The following GSE1 variants were observed in gnomAD, a reference collection of about 807,000 sequenced individuals.
GSE1 encodes the protein Gse1 coiled-coil protein, also known as genetic suppressor element 1.
GSE1 carries 32 observed loss-of-function variants against 112.6 expected under a neutral mutation model. That is an observed-to-expected ratio of 0.28 (90% confidence interval 0.21 to 0.38). GSE1 has a LOEUF of 0.38. Among genes scored for constraint, GSE1 ranks in the 10% least tolerant of loss-of-function variants. GSE1 has a pLI of 1.00. For missense variants in GSE1, 2,348 were observed against 1,699.2 expected (o/e 1.38, Z -6.71); for synonymous variants, 1,115 against 735.6 (o/e 1.52, Z -8.35).
chr16:85,491,855 C>A (rs1057103099), intron 2 of GSE1, among the ~76,000 whole-genome samples: 1 of 152,176 alleles, frequency 6.6e-6, no homozygotes. Flanking sequence ...GCGCCCCTTG[C>A]GAGGTCAGCC....
At chr16:85,367,841 A>ATCC in intron 2 of GSE1, among the ~76,000 whole-genome samples, 1 of 93,518 alleles carries the variant, frequency 1.1e-5, no homozygotes, top group Admixed American at 1.4e-4. Context: ...AGGAAATAAG[A>ATCC]TTCTTTTTTT....
chr16:85,191,154 C>T (rs371024398), intron 1 of GSE1, among the ~76,000 whole-genome samples: 96 of 151,876 alleles, frequency 6.3e-4, no homozygotes, highest in African/African-American at 1.8e-3. Flanking sequence ...CAGCTACTTG[C>T]GAGGCTGAGG....
At chr16:85,545,634 A>G (rs770920680) in intron 2 of GSE1, among the ~76,000 whole-genome samples, 3 of 152,234 alleles carry the variant, frequency 2.0e-5, no homozygotes, top group Non-Finnish European at 4.4e-5. Flanking sequence ...AAATGGAGAT[A>G]ATAATAGACT....
intron 1 of GSE1, chr16:85,284,991 G>C (rs2044975658): frequency 6.6e-6 from 1 of 152,238 alleles, no homozygotes; most frequent in Non-Finnish European, 1.5e-5. Context: ...TGTGGTCATC[G>C]TTTCAGGCAA....
intron 11 of GSE1, chr16:85,664,628 G>A (rs139696398): frequency 1.1e-5 from 2 of 177,450 alleles, no homozygotes; most frequent in Non-Finnish European, 1.2e-5. Flanking sequence ...AGGAGTGGGG[G>A]AGAAGGCACC....
chr16:85,595,786 C>T (rs2047195152), intron 1 of GSE1: 1 of 148,902 alleles, frequency 6.7e-6, no homozygotes, highest in African/African-American at 2.5e-5. Flanking sequence ...CCATCCATCC[C>T]TCTATCCATC....
chr16:85,393,032 A>G (rs890164805), intron 2 of GSE1, among the ~76,000 whole-genome samples: 2 of 152,196 alleles, frequency 1.3e-5, no homozygotes, highest in Non-Finnish European at 1.5e-5. Flanking sequence ...GAGGAGGATC[A>G]GATAGAGGCC....
At chr16:85,514,455 G>A (rs1338706685) in intron 2 of GSE1, among the ~76,000 whole-genome samples, 1 of 147,318 alleles carries the variant, frequency 6.8e-6, no homozygotes, top group African/African-American at 2.5e-5. Flanking sequence ...GCAGCTCCTG[G>A]GGCATCCTTG....
At chr16:85,303,753 A>T (rs534517895) in intron 1 of GSE1, among the ~76,000 whole-genome samples, 1 of 152,348 alleles carries the variant, frequency 6.6e-6, no homozygotes, top group South Asian at 2.1e-4. Flanking sequence ...CACCTGGGAA[A>T]GCGGCTGCGG....
chr16:85,647,496 C>T (rs192834942), intron 2 of GSE1, among the ~76,000 whole-genome samples: 1 of 152,276 alleles, frequency 6.6e-6, no homozygotes, highest in African/African-American at 2.4e-5. Context: ...CCAGGGTCAC[C>T]GTGGGTCACC....
intron 1 of GSE1, among the ~76,000 whole-genome samples, chr16:85,630,009 G>T (rs1481537586): frequency 1.3e-5 from 2 of 152,244 alleles, no homozygotes; most frequent in African/African-American, 4.8e-5. Flanking sequence ...GCCTACTTGA[G>T]ATGTTGGCTG....
chr16:85,257,875 G>A (rs1009779086), intron 1 of GSE1, among the ~76,000 whole-genome samples: 7 of 152,234 alleles, frequency 4.6e-5, no homozygotes, highest in Non-Finnish European at 1.0e-4. Flanking sequence ...TATCTGGGAC[G>A]CTCTGTCATC....
Position 85,661,126 on chromosome 16 carries a change from G to A in GSE1, c.1641-20G>A. 4 of 1,544,998 alleles carry A rather than the reference G, an allele frequency of 2.6e-6. No individual in the cohort carries two copies. The highest frequency in any genetic ancestry group is 3.5e-6 in the Non-Finnish European group (4 of 1,142,094). Reference sequence around the variant, plus strand: ...GAAGGGTCTTTTCTCCCTGACTGAAGGGTTGGTTTCACTCCCTAGGCCAGG... The same window carrying A: ...GAAGGGTCTTTTCTCCCTGACTGAAAGGTTGGTTTCACTCCCTAGGCCAGG... On this transcript the variant is annotated intron_variant, in intron 8 of 15. Coordinates refer to ENST00000253458, the MANE Select transcript of GSE1 (RefSeq NM_014615.5).
intron 2 of GSE1, among the ~76,000 whole-genome samples, chr16:85,484,918 C>G (rs889035957): frequency 1.3e-5 from 2 of 152,196 alleles, no homozygotes; most frequent in African/African-American, 4.8e-5. Flanking sequence ...TGTGCCTGCC[C>G]TGGGCATGGG....
At chr16:85,612,001 A>G (rs2151541874), upstream of GSE1, among the ~76,000 whole-genome samples, 1 of 152,060 alleles carries the variant, frequency 6.6e-6, no homozygotes, top group South Asian at 2.1e-4. Flanking sequence ...ACCGCAGCGC[A>G]GCGCTGGGGC....
At chr16:85,500,718 G>A (rs2051332079) in intron 2 of GSE1, among the ~76,000 whole-genome samples, 1 of 152,178 alleles carries the variant, frequency 6.6e-6, no homozygotes, top group African/African-American at 2.4e-5. Context: ...CAGACACAAA[G>A]TACCAAAACC....
rs1378653132 is a variant in GSE1 at position 85,578,447 on chromosome 16, A to G, written c.37+22084A>G. On this transcript the variant is annotated intron_variant, in intron 1 of 2. Coordinates refer to the GSE1 transcript ENST00000635906. Reference sequence around the variant, plus strand: ...TTCACATGTGGGGCAGCTAAGGCTCAGAGAGCTTCTCCCCCGCCCCTCACA... The same window carrying G: ...TTCACATGTGGGGCAGCTAAGGCTCGGAGAGCTTCTCCCCCGCCCCTCACA... Among the ~76,000 whole-genome samples, 6 of 152,230 alleles carry G rather than the reference A, an allele frequency of 3.9e-5. No homozygotes were observed. The East Asian group carries it at 1.2e-3, about 29-fold the overall frequency.
intron 1 of GSE1, chr16:85,582,042 C>T (rs755704654): frequency 5.3e-5 from 8 of 152,142 alleles, no homozygotes; most frequent in Non-Finnish European, 1.2e-4. Context: ...GGTGCTGGCT[C>T]TTGTGGGATC....
intron 1 of GSE1, among the ~76,000 whole-genome samples, chr16:85,344,496 C>T (rs1317855007): frequency 6.6e-6 from 1 of 152,198 alleles, no homozygotes; most frequent in Admixed American, 6.5e-5. Context: ...GTGTAGAGGA[C>T]AGGTGTGCGG....
Sources: allele counts gnomAD v4.1 joint callset (sites outside exome capture counted in the v4.1 genomes callset), GRCh38; gene constraint gnomAD v4.1.1; transcripts MANE v1.5; gene names NCBI Gene and HGNC (gene_info 2026-07-23, HGNC 2026-07-21).